RFX8: variants seen among roughly 807,000 people sequenced by gnomAD.
RFX8 encodes the protein DNA-binding protein RFX8.
Under a neutral mutation model 54.6 loss-of-function variants are expected in RFX8, and 46 were observed. The observed-to-expected ratio is 0.84, with a 90% CI of 0.67 to 1.08. The LOEUF (loss-of-function observed/expected upper bound fraction) is 1.08, where lower values mean the gene tolerates loss of function less well. RFX8 is among the 50% of genes least tolerant of loss of function. RFX8 has a pLI of 0.00. For synonymous variants in RFX8, 192 were observed against 209.5 expected, an observed-to-expected ratio of 0.92 and a Z score of 0.72; for missense variants, 536 against 562.3, an observed-to-expected ratio of 0.95 and a Z score of 0.47.
In RFX8 at chr2:101,451,284, T is replaced by C. The variant is rs145002161; in HGVS notation, c.72+15493A>G. On this transcript the variant is annotated intron_variant, in intron 2 of 11. Transcript: ENST00000428343. Reference sequence around the variant, plus strand: ...TTCCTAATTTGGCTTCAATGTCTTCTCGCTGATTTCCCCTCGCAATTTAAA... The same window carrying C: ...TTCCTAATTTGGCTTCAATGTCTTCCCGCTGATTTCCCCTCGCAATTTAAA... 5.9e-5 allele frequency among the ~76,000 whole-genome samples: 9 copies of C among 152,338 alleles called. No homozygotes were observed. The East Asian group carries it at 1.7e-3, about 29-fold the overall frequency.
At chr2:101,451,744 A>T (rs1382293014) in intron 2 of RFX8, among the ~76,000 whole-genome samples, 1 of 151,588 alleles carries the variant, frequency 6.6e-6, no homozygotes, top group African/African-American at 2.4e-5. Flanking sequence ...CCTCCGGAAT[A>T]TAATTCAAAT....
At chr2:101,444,423 A>AT (rs1688262027) in intron 2 of RFX8, among the ~76,000 whole-genome samples, 1 of 152,190 alleles carries the variant, frequency 6.6e-6, no homozygotes, top group South Asian at 2.1e-4. Context: ...TTTAAATAGG[A>AT]TCAAGAGTCT....
intron 2 of RFX8, among the ~76,000 whole-genome samples, chr2:101,441,099 C>T (rs1047618914): frequency 4.6e-5 from 7 of 151,576 alleles, no homozygotes; most frequent in East Asian, 1.9e-4. Flanking sequence ...TCCGAGTAGC[C>T]GGGACTACAG....
intron 2 of RFX8, among the ~76,000 whole-genome samples, chr2:101,423,599 C>A (rs1208996457): frequency 6.6e-6 from 1 of 152,166 alleles, no homozygotes; most frequent in Non-Finnish European, 1.5e-5. Flanking sequence ...CGCTCTCTGA[C>A]CCTATAGTTC....
In RFX8 at chr2:101,457,378, T is replaced by G. The variant is rs924447656; in HGVS notation, c.72+9399A>C. Among the ~76,000 whole-genome samples, 5 of 152,364 alleles carry G rather than the reference T, an allele frequency of 3.3e-5. No individual in the cohort carries two copies. In the East Asian group the frequency reaches 9.6e-4, roughly 29 times the overall value. ...AATTTCCCTCTACGCACACTTTAAA[T>G]GTGTCCCAGAGATTCTGGTACATTG... On this transcript the variant is annotated intron_variant, in intron 2 of 11. Coordinates refer to ENST00000428343, the MANE Select transcript of RFX8 (RefSeq NM_001145664.2).
intron 2 of RFX8, chr2:101,452,582 T>C: frequency 2.5e-6 from 1 of 401,396 alleles, no homozygotes. Context: ...ATAAATATAA[T>C]AATAAAGTAA....
chr2:101,428,890 A>T, intron 2 of RFX8: 2 of 980,106 alleles, frequency 2.0e-6, no homozygotes, highest in Admixed American at 2.0e-5. Flanking sequence ...GCTGGATCGA[A>T]TTAAGCAATC....
intron 2 of RFX8, among the ~76,000 whole-genome samples, chr2:101,425,753 T>C (rs566636826): frequency 6.6e-6 from 1 of 152,208 alleles, no homozygotes; most frequent in Non-Finnish European, 1.5e-5. Context: ...AATGGAAATA[T>C]TTCCTTTACA....
At chr2:101,422,329 G>T in intron 3 of RFX8, 33 bp downstream of exon 3, 2 of 1,071,392 alleles carry the variant, frequency 1.9e-6, no homozygotes, top group Non-Finnish European at 2.8e-6. Flanking sequence ...CATACAGCGT[G>T]AAAGGCTAAT....
Position 101,422,578 on chromosome 2 carries a change from C to T in RFX8, c.73-106G>A, listed in dbSNP as rs2104585960. 7.3e-6 allele frequency: 5 copies of T among 683,012 alleles called. No homozygotes were observed. In the East Asian group the frequency reaches 1.4e-4, roughly 19 times the overall value. 42.3% of individuals were successfully genotyped at this position (683,012 alleles called of 1,614,324 possible). On this transcript the variant is annotated intron_variant, in intron 2 of 11. Coordinates refer to ENST00000428343, the MANE Select transcript of RFX8 (RefSeq NM_001145664.2). ...ACTATAAGTTAATATTGTGTATAAC[C>T]TTTTAGCCACACCTCTGCACACATT...
chr2:101,469,070 A>G (rs1558896654), intron 1 of RFX8, among the ~76,000 whole-genome samples: 1 of 96,816 alleles, frequency 1.0e-5, no homozygotes, highest in African/African-American at 5.2e-5. Context: ...ATATATGTAT[A>G]TATATATAAG....
intron 1 of RFX8, among the ~76,000 whole-genome samples, chr2:101,472,875 A>G (rs901211259): frequency 6.6e-6 from 1 of 152,062 alleles, no homozygotes; most frequent in African/African-American, 2.4e-5. Flanking sequence ...AAAATTAGCA[A>G]GGCATGGTGG....
intron 9 of RFX8, among the ~76,000 whole-genome samples, chr2:101,410,072 T>C (rs1686017823): frequency 6.6e-6 from 1 of 151,932 alleles, no homozygotes; most frequent in Non-Finnish European, 1.5e-5. Flanking sequence ...CATGGGCTGC[T>C]CTCCCCCTGA....
chr2:101,400,136 C>T (rs183322176), intron 11 of RFX8, among the ~76,000 whole-genome samples: 27 of 152,302 alleles, frequency 1.8e-4, no homozygotes, highest in Admixed American at 6.5e-4. Context: ...CTGCTCTTCA[C>T]GCCTTCTAAC....
chr2:101,427,571 C>A (rs915214978), intron 2 of RFX8, among the ~76,000 whole-genome samples: 2 of 152,192 alleles, frequency 1.3e-5, no homozygotes, highest in African/African-American at 4.8e-5. Context: ...GAAATTATGA[C>A]TTCCAGGGCG....
At chr2:101,418,652 C>T (rs1686677148) in intron 5 of RFX8, among the ~76,000 whole-genome samples, 199 bp downstream of exon 5, 1 of 152,176 alleles carries the variant, frequency 6.6e-6, no homozygotes, top group African/African-American at 2.4e-5. Context: ...TGTGCATTGG[C>T]TTTTGGTTTC....
In RFX8 at chr2:101,399,743, T is replaced by G. The variant is rs191488127; in HGVS notation, c.1246-2019A>C. On this transcript the variant is annotated intron_variant, in intron 11 of 11. Coordinates refer to ENST00000428343, the MANE Select transcript of RFX8 (RefSeq NM_001145664.2). The stretch of plus-strand genomic sequence containing the variant: ...GTAGAATTAGACATGAGTATCCCCA[T>G]AAGTTAAGCAATTTGTCCAGTGTTC... Among the ~76,000 whole-genome samples, 200 of 152,352 alleles carry G rather than the reference T, an allele frequency of 1.3e-3. 5 individuals are homozygous for G. Among genetic ancestry groups the G allele is most frequent in the Admixed American group, 0.013 (200 of 15,306 alleles).
chr2:101,457,622 TTCCAATTATG>T (rs1689049309), intron 2 of RFX8, among the ~76,000 whole-genome samples: 1 of 152,196 alleles, frequency 6.6e-6, no homozygotes, highest in Non-Finnish European at 1.5e-5. Context: ...AGTGCTTTAC[TTCCAATTATG>T]TGATCAATTT....
intron 9 of RFX8, among the ~76,000 whole-genome samples, chr2:101,407,489 C>G (rs1024908755): frequency 6.6e-6 from 1 of 152,132 alleles, no homozygotes; most frequent in South Asian, 2.1e-4. Flanking sequence ...GTCAGGAGTT[C>G]GAGACCAGCC....
Sources: gnomAD v4.1 joint callset for allele counts (sites outside exome capture counted in the v4.1 genomes callset) on GRCh38, gnomAD v4.1.1 for gene constraint, MANE v1.5 for transcripts, NCBI Gene and HGNC (gene_info 2026-07-23, HGNC 2026-07-21) for gene names.